The following CPPED1 variants were observed in gnomAD, a reference collection of about 807,000 sequenced individuals.
CPPED1 encodes calcineurin like phosphoesterase domain containing 1, also known as serine/threonine-protein phosphatase CPPED1.
CPPED1 carries 28 observed loss-of-function variants against 28.0 expected under a neutral mutation model. The ratio of observed to expected loss-of-function variants is 1.00; its 90% CI spans 0.74 to 1.37. The LOEUF is 1.37. Among genes scored for constraint, CPPED1 ranks in the 40% most tolerant of loss-of-function variants. The pLI is 0.00. For synonymous variants in CPPED1, 198 were observed against 180.2 expected, an observed-to-expected ratio of 1.10 and a Z score of -0.79; for missense variants, 504 against 416.5, an observed-to-expected ratio of 1.21 and a Z score of -1.83.
intron 3 of CPPED1, among the ~76,000 whole-genome samples, chr16:12,699,195 T>C: frequency 6.6e-6 from 1 of 152,178 alleles, no homozygotes; most frequent in Non-Finnish European, 1.5e-5. Flanking sequence ...CTACATCCCT[T>C]GGATGTGATG....
chr16:12,770,868 G>GGAAAC (rs2080466169), intron 2 of CPPED1, among the ~76,000 whole-genome samples: 1 of 129,206 alleles, frequency 7.7e-6, no homozygotes. Flanking sequence ...GAGAAGGAAA[G>GGAAAC]GAAAGGAAAG....
chr16:12,781,772 T>C (rs547157736), intron 1 of CPPED1, among the ~76,000 whole-genome samples: 23 of 152,264 alleles, frequency 1.5e-4, no homozygotes, highest in East Asian at 3.9e-4. Flanking sequence ...CCAAATTGAA[T>C]GCTGCCAGAA....
At chr16:12,712,649 C>T (rs1398247328) in intron 2 of CPPED1, among the ~76,000 whole-genome samples, 1 of 152,080 alleles carries the variant, frequency 6.6e-6, no homozygotes, top group African/African-American at 2.4e-5. Context: ...AGAAAAGGTG[C>T]ACTGTTAAGG....
chr16:12,717,986 G>T (rs1235773473), intron 2 of CPPED1, among the ~76,000 whole-genome samples: 2 of 152,106 alleles, frequency 1.3e-5, no homozygotes, highest in Non-Finnish European at 1.5e-5. Context: ...GTAAACTCAA[G>T]TCCCATCTGG....
intron 1 of CPPED1, among the ~76,000 whole-genome samples, chr16:12,799,243 G>GTTTTTT (rs200948126): frequency 7.4e-6 from 1 of 135,216 alleles, no homozygotes; most frequent in African/African-American, 2.6e-5. Context: ...GGAAAAGTCA[G>GTTTTTT]TTTTTTTTTT....
intron 3 of CPPED1, 33 bp from the exon 4 acceptor site, chr16:12,665,148 G>C: frequency 6.3e-7 from 1 of 1,575,380 alleles, no homozygotes; most frequent in Non-Finnish European, 8.6e-7. Context: ...TTAGGGGGCC[G>C]AGGACTTCCA....
chr16:12,766,620 C>G (rs576019537), intron 2 of CPPED1, among the ~76,000 whole-genome samples: 4 of 152,070 alleles, frequency 2.6e-5, no homozygotes, highest in African/African-American at 9.6e-5. Flanking sequence ...AGAGCCAAAC[C>G]ATATCAGGTG....
At chr16:12,796,642 G>A (rs1312600219) in intron 1 of CPPED1, among the ~76,000 whole-genome samples, 3 of 152,144 alleles carry the variant, frequency 2.0e-5, no homozygotes, top group Admixed American at 6.6e-5. Flanking sequence ...GTAAAATGGC[G>A]CATCTGCTTT....
intron 3 of CPPED1, among the ~76,000 whole-genome samples, chr16:12,681,416 C>A (rs1225210813): frequency 2.0e-5 from 3 of 152,102 alleles, no homozygotes; most frequent in Non-Finnish European, 2.9e-5. Flanking sequence ...TTGGACTTCC[C>A]AACCCCCAGA....
At chr16:12,736,428 C>A (rs1009116828) in intron 2 of CPPED1, among the ~76,000 whole-genome samples, 1 of 151,874 alleles carries the variant, frequency 6.6e-6, no homozygotes, top group African/African-American at 2.4e-5. Flanking sequence ...TTAGTAGAGA[C>A]AGGTTTTGCC....
At chr16:12,721,560 C>G (rs1307942234) in intron 2 of CPPED1, among the ~76,000 whole-genome samples, 2 of 152,016 alleles carry the variant, frequency 1.3e-5, no homozygotes, top group South Asian at 2.1e-4. Flanking sequence ...CCAGACCAGC[C>G]TGACCAACAT....
At chr16:12,710,415 G>A (rs916452646) in intron 2 of CPPED1, among the ~76,000 whole-genome samples, 5 of 150,558 alleles carry the variant, frequency 3.3e-5, no homozygotes, top group African/African-American at 1.2e-4. Context: ...GAAATCAAAA[G>A]GTCATTTTGA....
At chr16:12,786,438 A>G (rs973369766) in intron 1 of CPPED1, among the ~76,000 whole-genome samples, 7 of 152,134 alleles carry the variant, frequency 4.6e-5, no homozygotes, top group Admixed American at 4.6e-4. Context: ...TCAGGTTGTT[A>G]GTGGTGGTAT....
At chr16:12,697,717 G>C (rs973991167) in intron 3 of CPPED1, among the ~76,000 whole-genome samples, 1 of 152,100 alleles carries the variant, frequency 6.6e-6, no homozygotes, top group African/African-American at 2.4e-5. Flanking sequence ...TTGAGTAGTT[G>C]CTACAGAGAC....
intron 2 of CPPED1, among the ~76,000 whole-genome samples, chr16:12,736,260 T>G (rs2080226349): frequency 6.6e-6 from 1 of 151,928 alleles, no homozygotes; most frequent in Non-Finnish European, 1.5e-5. Flanking sequence ...TTTTTTTTTT[T>G]TTTGAGATGG....
At chr16:12,717,268 A>C (rs756504904) in intron 2 of CPPED1, among the ~76,000 whole-genome samples, 3 of 152,076 alleles carry the variant, frequency 2.0e-5, no homozygotes, top group Admixed American at 2.0e-4. Context: ...TCCTATTGGG[A>C]TCTTTTTTTC....
At chr16:12,684,565 G>A (rs950680624) in intron 3 of CPPED1, among the ~76,000 whole-genome samples, 1 of 152,162 alleles carries the variant, frequency 6.6e-6, no homozygotes, top group African/African-American at 2.4e-5. Flanking sequence ...TGCCTGATGT[G>A]CACTTATTCA....
rs1427413280 is a variant in CPPED1 at position 12,663,855 on chromosome 16, T to C, written c.*1031A>G. The C allele has an allele frequency of 6.6e-6, 1 of 152,162 alleles. No homozygotes were observed. Among genetic ancestry groups the C allele is most frequent in the African/African-American group, 2.4e-5 (1 of 41,420 alleles). The allele number at this position is 152,162 out of a possible 1,614,324, so 9.4% of individuals were successfully genotyped here. ...GTCAGAAGCTGCTGAGAAGATGCGG[T>C]AAAACAGGTTACATAAAAAACAATG... On this transcript the variant is annotated 3_prime_UTR_variant, in exon 4 of 4. Coordinates refer to ENST00000381774, the MANE Select transcript of CPPED1 (RefSeq NM_018340.3).
intron 2 of CPPED1, among the ~76,000 whole-genome samples, chr16:12,716,052 C>G (rs894537759): frequency 8.5e-5 from 13 of 152,258 alleles, no homozygotes; most frequent in African/African-American, 3.1e-4. Flanking sequence ...ATGGACTGAA[C>G]AGAACTATGA....
Sources: gnomAD v4.1 joint callset for allele counts (sites outside exome capture counted in the v4.1 genomes callset) on GRCh38, gnomAD v4.1.1 for gene constraint, MANE v1.5 for transcripts, NCBI Gene and HGNC (gene_info 2026-07-23, HGNC 2026-07-21) for gene names.